Variants in MEOX2 observed in about 807,000 individuals in gnomAD.
The protein encoded by MEOX2 is homeobox protein MOX-2.
MEOX2 carries 11 observed loss-of-function variants against 27.0 expected under a neutral mutation model. The ratio of observed to expected loss-of-function variants is 0.41; its 90% confidence interval spans 0.26 to 0.68. The LOEUF (loss-of-function observed/expected upper bound fraction) is 0.68, where lower values mean the gene tolerates loss of function less well. Among genes scored for constraint, MEOX2 ranks in the 30% least tolerant of loss-of-function variants. The pLI, the probability that MEOX2 is intolerant of heterozygous loss-of-function variation, is 0.33. For missense variants in MEOX2, 436 were observed against 385.4 expected (o/e 1.13, Z -1.10); for synonymous variants, 189 against 155.4 (o/e 1.22, Z -1.61).
At chr7:15,632,012 A>G (rs950687206) in intron 1 of MEOX2, among the ~76,000 whole-genome samples, 4 of 151,484 alleles carry the variant, frequency 2.6e-5, no homozygotes, top group East Asian at 3.9e-4. Flanking sequence ...TAGCATGGAT[A>G]TGGATTTGAA....
At chr7:15,632,490 A>C (rs147695678) in intron 1 of MEOX2, among the ~76,000 whole-genome samples, 2,558 of 151,946 alleles carry the variant, frequency 0.017, 78 homozygotes, top group African/African-American at 0.06. Context: ...CCATGACCTA[A>C]GTACAAATTC....
At chr7:15,659,118 G>C (rs968640217) in intron 1 of MEOX2, among the ~76,000 whole-genome samples, 2 of 152,116 alleles carry the variant, frequency 1.3e-5, no homozygotes, top group Non-Finnish European at 2.9e-5. Flanking sequence ...TCCTACCTGA[G>C]CTTCCCAGGT....
At chr7:15,613,966 A>T (rs932418144) in intron 2 of MEOX2, among the ~76,000 whole-genome samples, 2 of 151,796 alleles carry the variant, frequency 1.3e-5, no homozygotes, top group Non-Finnish European at 2.9e-5. Context: ...TCTTCTCTCA[A>T]TGTATGCTGT....
rs61294753 is a variant in MEOX2 at position 15,666,751 on chromosome 7, CAAAAAAAA to C, written c.517+19127_517+19134del. 2.2e-4 allele frequency among the ~76,000 whole-genome samples: 14 copies of C among 63,042 alleles called. No individual in the cohort carries two copies. The East Asian group carries it at 4.3e-3, about 19-fold the overall frequency. The allele number at this position is 63,042 out of a possible 152,430, so 41.4% of individuals were successfully genotyped here. A position where few individuals can be genotyped will look rare whatever the true frequency, so the allele number is the denominator to read the frequency against. ...TGGGCAACAGAGCAAGACTCTGTCTCAAAAAAAAAAAAAAAAAAAAAAAAAAAAATATA... is the reference window on the plus strand; with the variant it reads ...TGGGCAACAGAGCAAGACTCTGTCTCAAAAAAAAAAAAAAAAAAAAATATA... On this transcript the variant is annotated intron_variant, in intron 1 of 2. Transcript: ENST00000262041.
At chr7:15,662,830 T>A (rs986236785) in intron 1 of MEOX2, among the ~76,000 whole-genome samples, 1 of 152,160 alleles carries the variant, frequency 6.6e-6, no homozygotes, top group Admixed American at 6.6e-5. Context: ...ATGCAGGACA[T>A]ATGAAAATTT....
At chr7:15,676,140 C>G (rs1782188379) in intron 1 of MEOX2, 1 of 152,068 alleles carries the variant, frequency 6.6e-6, no homozygotes, top group Admixed American at 6.6e-5. Context: ...AGTCAACCAC[C>G]CAGGACTTGC....
chr7:15,637,732 G>A (rs1287957666), intron 1 of MEOX2, among the ~76,000 whole-genome samples: 2 of 151,562 alleles, frequency 1.3e-5, no homozygotes, highest in Non-Finnish European at 2.9e-5. Context: ...AGTGGCTGGG[G>A]AACATATCGG....
At chr7:15,640,705 T>C (rs1426540524) in intron 1 of MEOX2, among the ~76,000 whole-genome samples, 1 of 152,170 alleles carries the variant, frequency 6.6e-6, no homozygotes, top group Non-Finnish European at 1.5e-5. Context: ...GTTCCTTCAA[T>C]GCCTGGTTTG....
At chr7:15,676,126 A>G (rs1426897019) in intron 1 of MEOX2, 2 of 152,212 alleles carry the variant, frequency 1.3e-5, no homozygotes, top group Non-Finnish European at 2.9e-5. Context: ...AACTGAGTCA[A>G]CGCAGTCAAC....
intron 1 of MEOX2, among the ~76,000 whole-genome samples, chr7:15,633,247 A>G (rs1260828387): frequency 6.6e-6 from 1 of 151,928 alleles, no homozygotes; most frequent in Non-Finnish European, 1.5e-5. Context: ...GCAATAGGCA[A>G]GATAGTGAAG....
intron 2 of MEOX2, among the ~76,000 whole-genome samples, chr7:15,614,951 A>G (rs901923189): frequency 1.3e-5 from 2 of 151,986 alleles, no homozygotes; most frequent in African/African-American, 4.8e-5. Flanking sequence ...TCTATTCTGG[A>G]TTTTTCTTGG....
chr7:15,637,515 T>A lies in MEOX2; in HGVS notation c.518-10597A>T, dbSNP rs147896860. ...TTACTCCTAAAATGTAATTTTCCAA[T>A]ACACACACACACACACGCACACACA... On this transcript the variant is annotated intron_variant, in intron 1 of 2. Transcript: ENST00000262041. 3.4e-3 allele frequency among the ~76,000 whole-genome samples: 517 copies of A among 150,144 alleles called. 4 individuals are homozygous for A. Among genetic ancestry groups the A allele is most frequent in the Non-Finnish European group, 5.2e-3 (348 of 67,294 alleles).
chr7:15,678,708 G>A (rs992331253), intron 1 of MEOX2, among the ~76,000 whole-genome samples: 8 of 152,120 alleles, frequency 5.3e-5, no homozygotes, highest in Non-Finnish European at 1.0e-4. Context: ...GCAAAAATAA[G>A]TTTTCATTTG....
chr7:15,629,511 CCACA>C (rs1199453166), intron 1 of MEOX2, among the ~76,000 whole-genome samples: 23 of 152,042 alleles, frequency 1.5e-4, no homozygotes, highest in Non-Finnish European at 3.2e-4. Flanking sequence ...ATATTTATAA[CCACA>C]CAAAGAACCA....
chr7:15,627,018 C>A (rs564779153), intron 1 of MEOX2, 100 bp from the exon 2 acceptor site: 4 of 1,172,878 alleles, frequency 3.4e-6, no homozygotes, highest in Non-Finnish European at 3.7e-6. Context: ...CCAGGTACTG[C>A]GCTAGACATG....
chr7:15,657,382 C>T (rs888437862), intron 1 of MEOX2, among the ~76,000 whole-genome samples: 6 of 151,852 alleles, frequency 4.0e-5, no homozygotes, highest in Non-Finnish European at 8.8e-5. Context: ...AATTTTTTTT[C>T]AATTTTCTTT....
intron 1 of MEOX2, among the ~76,000 whole-genome samples, chr7:15,684,606 C>T (rs558570806): frequency 6.6e-6 from 1 of 152,244 alleles, no homozygotes; most frequent in South Asian, 2.1e-4. Flanking sequence ...ATTAAATATG[C>T]GGCCAATCAT....
intron 1 of MEOX2, among the ~76,000 whole-genome samples, chr7:15,665,840 A>G (rs1781995253): frequency 6.6e-6 from 1 of 152,228 alleles, no homozygotes. Flanking sequence ...AATTTCAGCT[A>G]CTTGACACCT....
intron 1 of MEOX2, among the ~76,000 whole-genome samples, chr7:15,683,507 G>A (rs969450808): frequency 1.3e-5 from 2 of 151,900 alleles, no homozygotes; most frequent in African/African-American, 4.8e-5. Context: ...TAGCATACCA[G>A]GATCATAATC....
Sources: allele counts gnomAD v4.1 joint callset (sites outside exome capture counted in the v4.1 genomes callset), GRCh38; gene constraint gnomAD v4.1.1; transcripts MANE v1.5; gene names NCBI Gene and HGNC (gene_info 2026-07-23, HGNC 2026-07-21).